The following SORCS1 variants were observed in gnomAD, a reference collection of about 807,000 sequenced individuals.
The protein encoded by SORCS1 is VPS10 domain-containing receptor SorCS1.
Under a neutral mutation model 146.1 loss-of-function variants are expected in SORCS1, and 60 were observed. That is an observed-to-expected ratio of 0.41 (90% CI 0.33 to 0.51). The LOEUF is 0.51. SORCS1 is among the 20% of genes least tolerant of loss of function. The probability of loss-of-function intolerance (pLI) is 0.21; values close to 1 mark genes in which losing one functional copy is unlikely to be tolerated. For synonymous variants in SORCS1, 637 were observed against 584.0 expected (o/e 1.09, Z -1.31); for missense variants, 1,352 against 1,487.6 (o/e 0.91, Z 1.50).
chr10:106,581,014 C>T (rs548647953), intron 24 of SORCS1, among the ~76,000 whole-genome samples: 1 of 152,200 alleles, frequency 6.6e-6, no homozygotes, highest in Middle Eastern at 3.4e-3. Flanking sequence ...GTCCCACTGC[C>T]GTGGAACGCC....
intron 17 of SORCS1, among the ~76,000 whole-genome samples, chr10:106,660,277 T>C (rs1286034284): frequency 6.6e-6 from 1 of 152,208 alleles, no homozygotes; most frequent in Non-Finnish European, 1.5e-5. Flanking sequence ...TTATTTTTAA[T>C]TGACATATTA....
chr10:106,793,722 G>C (rs533498559), intron 3 of SORCS1, among the ~76,000 whole-genome samples: 1 of 152,170 alleles, frequency 6.6e-6, no homozygotes, highest in Non-Finnish European at 1.5e-5. Context: ...ATGTCCACCA[G>C]GATTCCAAGC....
chr10:107,078,094 T>A (rs974927605), intron 1 of SORCS1, among the ~76,000 whole-genome samples: 1 of 152,192 alleles, frequency 6.6e-6, no homozygotes, highest in African/African-American at 2.4e-5. Flanking sequence ...GAACACTAAA[T>A]ATTAGTTTCA....
intron 18 of SORCS1, among the ~76,000 whole-genome samples, chr10:106,637,934 G>A (rs1848822943): frequency 6.6e-6 from 1 of 152,106 alleles, no homozygotes; most frequent in Admixed American, 6.5e-5. Context: ...TATGTCTTCT[G>A]TACTTGGTGT....
intron 23 of SORCS1, among the ~76,000 whole-genome samples, chr10:106,605,208 A>G (rs1480236157): frequency 6.6e-6 from 1 of 152,274 alleles, no homozygotes; most frequent in Non-Finnish European, 1.5e-5. Context: ...CCTTTGCAGG[A>G]AACACCCAGA....
At chr10:106,881,179 A>G (rs1307212884) in intron 2 of SORCS1, among the ~76,000 whole-genome samples, 30 of 151,962 alleles carry the variant, frequency 2.0e-4, no homozygotes, top group Non-Finnish European at 2.9e-5. Flanking sequence ...CAGTAAAATG[A>G]CTTTGGGCTT....
chr10:106,611,832 A>G (rs952037225), intron 22 of SORCS1, 79 bp downstream of exon 22: 27 of 1,017,036 alleles, frequency 2.7e-5, no homozygotes, highest in Non-Finnish European at 3.0e-5. Flanking sequence ...GTTTTTGTAC[A>G]AAGCTCCCCT....
In SORCS1 at chr10:106,720,249, G is replaced by A. The variant is rs564582543; in HGVS notation, c.1024+9801C>T. Among the ~76,000 whole-genome samples the A allele has an allele frequency of 2.6e-5, 4 of 152,244 alleles. No individual in the cohort carries two copies. The South Asian group carries it at 6.2e-4, about 24-fold the overall frequency. The stretch of plus-strand genomic sequence containing the variant: ...TGCCTAGAAGAGCATCTGATGTGGC[G>A]TAGATGTCCAACAATATTTTTTGAA... On this transcript the variant is annotated intron_variant, in intron 6 of 25. Coordinates refer to ENST00000263054, the MANE Select transcript of SORCS1 (RefSeq NM_052918.5).
At chr10:106,858,756 G>C (rs947673029) in intron 2 of SORCS1, among the ~76,000 whole-genome samples, 3 of 152,098 alleles carry the variant, frequency 2.0e-5, no homozygotes, top group Non-Finnish European at 4.4e-5. Context: ...CATTGGCCCT[G>C]ATACCTGGAT....
intron 1 of SORCS1, among the ~76,000 whole-genome samples, chr10:107,133,197 T>C (rs1966997033): frequency 6.6e-6 from 1 of 152,134 alleles, no homozygotes; most frequent in African/African-American, 2.4e-5. Flanking sequence ...AGAGAAACTA[T>C]GAGAAGGTGA....
chr10:106,596,037 T>C (rs1481621439), intron 24 of SORCS1, among the ~76,000 whole-genome samples: 1 of 152,226 alleles, frequency 6.6e-6, no homozygotes, highest in Non-Finnish European at 1.5e-5. Flanking sequence ...GCAGAGATGC[T>C]ATTACCATCT....
At chr10:106,638,162 G>T (rs544582008) in intron 18 of SORCS1, among the ~76,000 whole-genome samples, 170 of 152,262 alleles carry the variant, frequency 1.1e-3, no homozygotes, top group African/African-American at 3.7e-3. Context: ...AATTACATCA[G>T]CAGGCTCTGG....
At chr10:106,802,110 T>A (rs1946933406) in intron 3 of SORCS1, among the ~76,000 whole-genome samples, 1 of 152,198 alleles carries the variant, frequency 6.6e-6, no homozygotes, top group Non-Finnish European at 1.5e-5. Flanking sequence ...ACCAAGTACA[T>A]GTCATATCTT....
intron 1 of SORCS1, among the ~76,000 whole-genome samples, chr10:107,152,745 C>A (rs1968927797): frequency 6.6e-6 from 1 of 152,206 alleles, no homozygotes; most frequent in African/African-American, 2.4e-5. Context: ...GTCAATTAAA[C>A]CTCTTTCCTT....
intron 1 of SORCS1, among the ~76,000 whole-genome samples, chr10:106,992,867 G>T (rs1956829126): frequency 9.8e-6 from 1 of 102,300 alleles, no homozygotes; most frequent in Non-Finnish European, 1.8e-5. Context: ...GAGTCTTGCT[G>T]TGTCACCAGG....
At position 106,878,620 on chromosome 10, in the gene SORCS1, G is replaced by GTATATATATATATATATATA. The variant is rs3982430; in HGVS notation, c.627-48967_627-48948dup. Among the ~76,000 whole-genome samples the GTATATATATATATATATATA allele has an allele frequency of 5.3e-3, 448 of 84,802 alleles. 4 individuals carry two copies. The highest frequency in any genetic ancestry group is 0.011 in the African/African-American group (246 of 21,728). The allele number at this position is 84,802 out of a possible 152,430, so 55.6% of individuals were successfully genotyped here. A position where few individuals can be genotyped will look rare whatever the true frequency, so the allele number is the denominator to read the frequency against. ...AAATTTGTTTTTTATAAACTACCTA[G>GTATATATATATATATATATA]TATATATATATATATATATATATAT... is the stretch of plus-strand genomic sequence containing the variant. On this transcript the variant is annotated intron_variant, in intron 2 of 25. Coordinates refer to ENST00000263054, the MANE Select transcript of SORCS1 (RefSeq NM_052918.5).
At chr10:107,106,603 A>G (rs979927371) in intron 1 of SORCS1, among the ~76,000 whole-genome samples, 25 of 152,242 alleles carry the variant, frequency 1.6e-4, no homozygotes, top group Admixed American at 1.6e-3. Flanking sequence ...GAAAAATCAC[A>G]CTCAGCTCTC....
At chr10:106,872,582 A>C (rs777263096) in intron 2 of SORCS1, among the ~76,000 whole-genome samples, 28 of 152,198 alleles carry the variant, frequency 1.8e-4, no homozygotes, top group Middle Eastern at 3.2e-3. Flanking sequence ...AGGGATAGGC[A>C]TGCCTATTCT....
intron 17 of SORCS1, among the ~76,000 whole-genome samples, chr10:106,665,136 T>G (rs1851032463): frequency 6.6e-6 from 1 of 152,218 alleles, no homozygotes; most frequent in Non-Finnish European, 1.5e-5. Context: ...ACAATCCTTT[T>G]CTATGTGTTT....
Sources: gnomAD v4.1 joint callset for allele counts (sites outside exome capture counted in the v4.1 genomes callset) on GRCh38, gnomAD v4.1.1 for gene constraint, MANE v1.5 for transcripts, NCBI Gene and HGNC (gene_info 2026-07-23, HGNC 2026-07-21) for gene names.